The following CNBD1 variants were observed in gnomAD, a reference collection of about 807,000 sequenced individuals.
The protein encoded by CNBD1 is cyclic nucleotide binding domain containing 1.
A neutral mutation model predicts 54.4 loss-of-function variants in CNBD1; 71 were observed. That is an observed-to-expected ratio of 1.30 (90% CI 1.08 to 1.59). The LOEUF is 1.59. Among genes scored for constraint, CNBD1 ranks in the 40% most tolerant of loss-of-function variants. The probability of loss-of-function intolerance (pLI) is 0.00; values close to 1 mark genes in which losing one functional copy is unlikely to be tolerated. For synonymous variants in CNBD1, 182 were observed against 170.7 expected (o/e 1.07, Z -0.51); for missense variants, 659 against 518.0 (o/e 1.27, Z -2.64).
chr8:87,406,087 A>G (rs138263890), intron 2 of CNBD1, among the ~76,000 whole-genome samples: 63 of 152,238 alleles, frequency 4.1e-4, no homozygotes, highest in African/African-American at 1.4e-3. Context: ...GATTGCTTAT[A>G]TCATTTGAAA....
intron 6 of CNBD1, among the ~76,000 whole-genome samples, chr8:87,264,526 G>A (rs1206811776): frequency 2.0e-5 from 3 of 151,992 alleles, no homozygotes; most frequent in African/African-American, 7.3e-5. Context: ...TAATGGGATG[G>A]CTGGGTCAAA....
intron 4 of CNBD1, among the ~76,000 whole-genome samples, chr8:87,123,544 A>G (rs1811930629): frequency 6.6e-6 from 1 of 151,802 alleles, no homozygotes; most frequent in Non-Finnish European, 1.5e-5. Flanking sequence ...CATTTATAGC[A>G]TTTAATGCTT....
intron 4 of CNBD1, among the ~76,000 whole-genome samples, chr8:86,963,529 G>A (rs1253841992): frequency 6.6e-6 from 1 of 152,140 alleles, no homozygotes; most frequent in Non-Finnish European, 1.5e-5. Context: ...ACTGGCAGGG[G>A]CTGCTCTACC....
At chr8:87,210,980 T>G (rs1814085537) in intron 5 of CNBD1, among the ~76,000 whole-genome samples, 1 of 152,022 alleles carries the variant, frequency 6.6e-6, no homozygotes, top group Admixed American at 6.6e-5. Context: ...GCTACTCAAC[T>G]CCTACCCCTG....
chr8:87,241,606 G>A (rs1189491980), intron 6 of CNBD1, among the ~76,000 whole-genome samples: 1 of 152,124 alleles, frequency 6.6e-6, no homozygotes, highest in Non-Finnish European at 1.5e-5. Context: ...CAATGAAAGT[G>A]TCTAGCAGGG....
chr8:87,427,776 G>A (rs968576362), intron 2 of CNBD1, among the ~76,000 whole-genome samples: 7 of 152,154 alleles, frequency 4.6e-5, no homozygotes, highest in African/African-American at 1.7e-4. Context: ...GTTTTCACTC[G>A]TCTGTCTTCA....
intron 2 of CNBD1, among the ~76,000 whole-genome samples, chr8:87,425,276 G>T (rs1013770733): frequency 1.3e-5 from 2 of 151,896 alleles, no homozygotes; most frequent in South Asian, 4.2e-4. Context: ...ATGTCCTCCC[G>T]TAGCTCAGAG....
intron 8 of CNBD1, among the ~76,000 whole-genome samples, chr8:87,292,768 G>T (rs1477611213): frequency 1.3e-5 from 2 of 152,136 alleles, no homozygotes; most frequent in African/African-American, 4.8e-5. Flanking sequence ...GCAGTATCTG[G>T]AAGAAGTCAG....
chr8:86,889,224 C>CA (rs1808729655), intron 2 of CNBD1, among the ~76,000 whole-genome samples: 1 of 151,938 alleles, frequency 6.6e-6, no homozygotes, highest in Non-Finnish European at 1.5e-5. Context: ...GTTACAAATA[C>CA]AAAATCAGAT....
intron 4 of CNBD1, among the ~76,000 whole-genome samples, chr8:86,994,244 G>T (rs1005619762): frequency 6.6e-6 from 1 of 152,222 alleles, no homozygotes; most frequent in Non-Finnish European, 1.5e-5. Context: ...ACTGTGCTGA[G>T]GAATCTGAAG....
At chr8:87,369,961 A>G (rs544483618) in intron 10 of CNBD1, among the ~76,000 whole-genome samples, 2 of 151,858 alleles carry the variant, frequency 1.3e-5, no homozygotes, top group East Asian at 2.0e-4. Context: ...CCCATCTATG[A>G]GTGAGAACAT....
At chr8:87,129,096 T>TAAAAAAAAA (rs1563479517) in intron 4 of CNBD1, among the ~76,000 whole-genome samples, 1 of 34,740 alleles carries the variant, frequency 2.9e-5, no homozygotes, top group African/African-American at 1.2e-4. Context: ...AAAAAAGAAT[T>TAAAAAAAAA]TTGCTATCTT....
intron 6 of CNBD1, among the ~76,000 whole-genome samples, chr8:87,252,659 G>A (rs1807935945): frequency 6.6e-6 from 1 of 152,106 alleles, no homozygotes; most frequent in South Asian, 2.1e-4. Flanking sequence ...TGTTAGTAAA[G>A]TTCTGATAGA....
At chr8:87,197,593 T>C (rs1043279528) in intron 4 of CNBD1, among the ~76,000 whole-genome samples, 5 of 152,154 alleles carry the variant, frequency 3.3e-5, no homozygotes, top group Non-Finnish European at 5.9e-5. Flanking sequence ...AAATCAGGCA[T>C]TCTAAATACG....
At chr8:87,073,083 C>G (rs894995046) in intron 4 of CNBD1, among the ~76,000 whole-genome samples, 1 of 151,684 alleles carries the variant, frequency 6.6e-6, no homozygotes, top group African/African-American at 2.4e-5. Flanking sequence ...TTCTGCGATT[C>G]CTTCCTCTGC....
rs185470098 is a variant in CNBD1, at chr8:86,874,099, C to T, written c.88+7516C>T. On this transcript the variant is annotated intron_variant, in intron 1 of 10. Transcript: ENST00000518476. ...TTCTGGTCAATGTGTCTGTTTTATG[C>T]CAGCACCATACTGTTATGATAGCTT... 3.8e-3 allele frequency among the ~76,000 whole-genome samples: 572 copies of T among 152,250 alleles called. 2 individuals are homozygous for T. The highest frequency in any genetic ancestry group is 0.013 in the African/African-American group (533 of 41,564).
intron 4 of CNBD1, among the ~76,000 whole-genome samples, chr8:87,118,025 G>A (rs374237553): frequency 6.6e-6 from 1 of 152,038 alleles, no homozygotes; most frequent in East Asian, 1.9e-4. Flanking sequence ...TTAAAAAATA[G>A]AGCAGTATGG....
intron 1 of CNBD1, among the ~76,000 whole-genome samples, chr8:86,883,792 C>T (rs117607283): frequency 0.041 from 6,261 of 152,132 alleles, 176 homozygotes; most frequent in Non-Finnish European, 0.062. Context: ...AAAAGATAAA[C>T]GTAGATTATT....
chr8:86,872,392 A>G (rs1281838286), intron 1 of CNBD1, among the ~76,000 whole-genome samples: 2 of 152,204 alleles, frequency 1.3e-5, no homozygotes, highest in Non-Finnish European at 2.9e-5. Context: ...TTTATTAATT[A>G]TAATCACATT....
Sources: allele counts gnomAD v4.1 joint callset (sites outside exome capture counted in the v4.1 genomes callset), GRCh38; gene constraint gnomAD v4.1.1; transcripts MANE v1.5; gene names NCBI Gene and HGNC (gene_info 2026-07-23, HGNC 2026-07-21).